The following DIPK1A variants were observed in gnomAD, a reference collection of about 807,000 sequenced individuals.
DIPK1A encodes the protein divergent protein kinase domain 1A.
In DIPK1A, 27 loss-of-function variants were observed where a neutral mutation model predicts 40.8. That is an observed-to-expected ratio of 0.66 (90% CI 0.49 to 0.91). The LOEUF (loss-of-function observed/expected upper bound fraction) is 0.91. Ranked by LOEUF, DIPK1A falls within the 40% of genes least tolerant of loss-of-function variation. DIPK1A has a pLI of 0.00. For missense variants in DIPK1A, 412 were observed against 505.7 expected, an observed-to-expected ratio of 0.81 and a Z score of 1.78; for synonymous variants, 166 against 171.3, an observed-to-expected ratio of 0.97 and a Z score of 0.24.
chr1:92,924,016 T>C (rs1650378892), intron 1 of DIPK1A, among the ~76,000 whole-genome samples: 1 of 152,262 alleles, frequency 6.6e-6, no homozygotes, highest in South Asian at 2.1e-4. Context: ...TCAAATAACA[T>C]ACCTCTCCAT....
At chr1:92,922,093 T>TG (rs1309775888) in intron 1 of DIPK1A, among the ~76,000 whole-genome samples, 1 of 152,204 alleles carries the variant, frequency 6.6e-6, no homozygotes, top group Non-Finnish European at 1.5e-5. Flanking sequence ...ATAATATTTA[T>TG]GTTCTCTAGT....
downstream of DIPK1A, chr1:92,840,838 A>G (rs769226554): frequency 2.9e-6 from 2 of 700,800 alleles, no homozygotes; most frequent in African/African-American, 3.5e-5. Flanking sequence ...GGTTCTTTCT[A>G]TCCTAGTACA....
chr1:92,929,528 C>T (rs1233957744), intron 1 of DIPK1A, among the ~76,000 whole-genome samples: 2 of 152,144 alleles, frequency 1.3e-5, no homozygotes, highest in African/African-American at 4.8e-5. Flanking sequence ...AGTCCTGAGC[C>T]CTGTTATCTA....
Position 92,842,896 on chromosome 1 carries a change from C to T in DIPK1A, c.*487G>A. On this transcript the variant is annotated 3_prime_UTR_variant, in exon 5 of 5. Transcript: ENST00000370310. ...AATACAGTAAACCATGCTATTAACC[C>T]AACATCTGTTTTATAAAGAAGCAAG... 3 of 987,044 alleles carry T rather than the reference C, an allele frequency of 3.0e-6. No homozygotes were observed. Among genetic ancestry groups the T allele is most frequent in the Non-Finnish European group, 3.6e-6 (3 of 831,094 alleles). 61.1% of individuals were successfully genotyped at this position (987,044 alleles called of 1,614,324 possible). A position where few individuals can be genotyped will look rare whatever the true frequency, so the allele number is the denominator to read the frequency against.
intron 2 of DIPK1A, among the ~76,000 whole-genome samples, chr1:92,873,480 T>C (rs975844229): frequency 1.3e-5 from 2 of 151,986 alleles, no homozygotes; most frequent in South Asian, 4.2e-4. Flanking sequence ...CCAGGTGTGG[T>C]GGTGGGTACC....
intron 2 of DIPK1A, among the ~76,000 whole-genome samples, chr1:92,856,429 A>T (rs1364486422): frequency 6.6e-6 from 1 of 151,998 alleles, no homozygotes; most frequent in Non-Finnish European, 1.5e-5. Context: ...TATTATTATT[A>T]TTTTTTGAGA....
chr1:92,949,611 T>C (rs1019494321), intron 1 of DIPK1A, among the ~76,000 whole-genome samples: 3 of 152,164 alleles, frequency 2.0e-5, no homozygotes, highest in Admixed American at 2.0e-4. Context: ...AAGAATCTTA[T>C]GAACCTCCCA....
At position 92,925,867 on chromosome 1, in the gene DIPK1A, C is replaced by T. The variant is rs374338057; in HGVS notation, c.54+35509G>A. 6.6e-5 allele frequency among the ~76,000 whole-genome samples: 10 copies of T among 152,064 alleles called. No individual in the cohort carries two copies. In the East Asian group the frequency reaches 1.2e-3, roughly 18 times the overall value. On this transcript the variant is annotated intron_variant, in intron 1 of 4. Transcript: ENST00000370310. ...GCATTTTTCCAGGAATTTGTTTCAT[C>T]GAAGGCATCAAATTTATTGGTGTAA... is the stretch of plus-strand genomic sequence containing the variant.
chr1:92,874,609 C>T (rs950315888), intron 2 of DIPK1A, among the ~76,000 whole-genome samples: 1 of 152,180 alleles, frequency 6.6e-6, no homozygotes, highest in Non-Finnish European at 1.5e-5. Context: ...ATAAACATTT[C>T]AAATAGTTTC....
chr1:92,942,893 G>C (rs1027915945), intron 1 of DIPK1A, among the ~76,000 whole-genome samples: 2 of 152,184 alleles, frequency 1.3e-5, no homozygotes, highest in Admixed American at 6.5e-5. Flanking sequence ...TCGAACTCCT[G>C]ACCTCATGAT....
At chr1:92,894,275 G>GA (rs1649059268) in intron 1 of DIPK1A, among the ~76,000 whole-genome samples, 2 of 151,902 alleles carry the variant, frequency 1.3e-5, no homozygotes, top group Admixed American at 6.6e-5. Context: ...TCATCAAATG[G>GA]AAAACAACAG....
At chr1:92,897,562 C>T (rs919301766) in intron 1 of DIPK1A, among the ~76,000 whole-genome samples, 134 of 152,144 alleles carry the variant, frequency 8.8e-4, no homozygotes, top group Non-Finnish European at 1.3e-3. Context: ...TGTTAAATGA[C>T]GAGTTAATGG....
At chr1:92,948,591 A>G (rs1243695436) in intron 1 of DIPK1A, among the ~76,000 whole-genome samples, 1 of 138,298 alleles carries the variant, frequency 7.2e-6, no homozygotes, top group Non-Finnish European at 1.6e-5. Flanking sequence ...GCTAAAAGGT[A>G]GTTAACTTCA....
chr1:92,931,072 A>T (rs1180962955), intron 1 of DIPK1A: 3 of 152,220 alleles, frequency 2.0e-5, no homozygotes, highest in Non-Finnish European at 2.9e-5. Flanking sequence ...TGTTGAATGA[A>T]TGGAGAGACA....
chr1:92,890,930 T>C (rs889556216), intron 1 of DIPK1A, among the ~76,000 whole-genome samples: 3 of 152,218 alleles, frequency 2.0e-5, no homozygotes, highest in Admixed American at 6.5e-5. Context: ...AGTGGAGCCA[T>C]TGGGTCCTGG....
intron 1 of DIPK1A, among the ~76,000 whole-genome samples, chr1:92,948,880 C>G (rs931371432): frequency 1.3e-5 from 2 of 150,794 alleles, no homozygotes; most frequent in African/African-American, 4.9e-5. Context: ...TCTTGGCTCA[C>G]TGCAGCCTCC....
At chr1:92,867,819 T>A (rs1446910234) in intron 2 of DIPK1A, among the ~76,000 whole-genome samples, 1 of 152,190 alleles carries the variant, frequency 6.6e-6, no homozygotes, top group Non-Finnish European at 1.5e-5. Flanking sequence ...AACTGCTTAT[T>A]ACACTTTGTT....
chr1:92,937,278 T>C (rs572925551), intron 1 of DIPK1A, among the ~76,000 whole-genome samples: 6 of 150,716 alleles, frequency 4.0e-5, no homozygotes, highest in African/African-American at 7.3e-5. Flanking sequence ...CTGGCCAACA[T>C]GAAGCCCTGT....
chr1:92,950,515 G>A (rs1422309354), intron 1 of DIPK1A, among the ~76,000 whole-genome samples: 1 of 152,220 alleles, frequency 6.6e-6, no homozygotes, highest in African/African-American at 2.4e-5. Context: ...GGGTTAGACT[G>A]GGCTATTACA....
Sources: gnomAD v4.1 joint callset for allele counts (sites outside exome capture counted in the v4.1 genomes callset) on GRCh38, gnomAD v4.1.1 for gene constraint, MANE v1.5 for transcripts, NCBI Gene and HGNC (gene_info 2026-07-23, HGNC 2026-07-21) for gene names.